Variants in EMCN observed in about 807,000 individuals in gnomAD.
EMCN encodes the protein endomucin.
Under a neutral mutation model 38.4 loss-of-function variants are expected in EMCN, and 37 were observed. The observed-to-expected ratio is 0.96, with a 90% confidence interval of 0.74 to 1.27. The LOEUF (loss-of-function observed/expected upper bound fraction) is 1.27, where lower values mean the gene tolerates loss of function less well. EMCN is among the 50% of genes most tolerant of loss of function. EMCN has a pLI of 0.00. For synonymous variants in EMCN, 95 were observed against 100.8 expected (o/e 0.94, Z 0.35); for missense variants, 318 against 302.8 (o/e 1.05, Z -0.37).
intron 5 of EMCN, among the ~76,000 whole-genome samples, chr4:100,442,645 G>A (rs904598437): frequency 3.3e-5 from 5 of 151,752 alleles, no homozygotes; most frequent in African/African-American, 9.7e-5. Context: ...GATTGATCTC[G>A]TCTGCTCTTG....
intron 1 of EMCN, among the ~76,000 whole-genome samples, chr4:100,491,912 C>T (rs543828958): frequency 1.3e-5 from 2 of 152,260 alleles, no homozygotes; most frequent in Admixed American, 6.5e-5. Flanking sequence ...TTTATTCCTT[C>T]CAAAGAACAC....
At chr4:100,399,207 A>T (rs1338698075) in intron 11 of EMCN, among the ~76,000 whole-genome samples, 1 of 152,192 alleles carries the variant, frequency 6.6e-6, no homozygotes, top group Non-Finnish European at 1.5e-5. Flanking sequence ...ATATTGGTCT[A>T]TAAAAGAGCA....
Position 100,421,305 on chromosome 4 carries a change from C to T in EMCN, c.641G>A (p.Arg214Gln), listed in dbSNP as rs777395672. 13 of 1,612,596 alleles carry T rather than the reference C, an allele frequency of 8.1e-6. No homozygotes were observed. The highest frequency in any genetic ancestry group is 4.4e-5 in the South Asian group (4 of 91,018). ...ACCCGGATCTGCCTTCCAGCACATTCGGTACAAACCCACCAGAACAAATAC... is the reference window on the plus strand; with the variant it reads ...ACCCGGATCTGCCTTCCAGCACATTTGGTACAAACCCACCAGAACAAATAC... ...LSVFVLVGLY[R>Q]MCWKADPGTP... Residue 214 changes from arginine (R) to glutamine (Q), a missense_variant, in exon 8 of 12, where the codon CGA (arginine) becomes CAA (glutamine). Coordinates refer to ENST00000296420, the MANE Select transcript of EMCN (RefSeq NM_016242.4).
rs1455631597 is a variant in EMCN, at chr4:100,395,764, C to T, written c.*2649G>A. The stretch of plus-strand genomic sequence containing the variant: ...ACACAGATTTGTCAACCATATGTAA[C>T]AGAATAGTTCAGTTCAGCAAGGGGA... On this transcript the variant is annotated 3_prime_UTR_variant, in exon 12 of 12. Coordinates refer to ENST00000296420, the MANE Select transcript of EMCN (RefSeq NM_016242.4). 6.6e-6 allele frequency: 1 copy of T among 152,086 alleles called. No homozygotes were observed. Among genetic ancestry groups the T allele is most frequent in the Non-Finnish European group, 1.5e-5 (1 of 68,014 alleles). 9.4% of individuals were successfully genotyped at this position (152,086 alleles called of 1,614,324 possible). A position where few individuals can be genotyped will look rare whatever the true frequency, so the allele number is the denominator to read the frequency against.
intron 1 of EMCN, among the ~76,000 whole-genome samples, chr4:100,497,687 T>G (rs1367140450): frequency 6.6e-6 from 1 of 152,192 alleles, no homozygotes; most frequent in East Asian, 1.9e-4. Flanking sequence ...AAATCAAGTT[T>G]TTAAAGAAGA....
intron 2 of EMCN, among the ~76,000 whole-genome samples, chr4:100,475,334 C>CACACA: frequency 6.6e-6 from 1 of 151,188 alleles, no homozygotes; most frequent in East Asian, 1.9e-4. Context: ...CACACACACA[C>CACACA]ATTTTTCATA....
chr4:100,423,100 A>C lies in EMCN; in HGVS notation c.509-20T>G, dbSNP rs1265130660. On this transcript the variant is annotated intron_variant, in intron 6 of 11. Coordinates refer to ENST00000296420, the MANE Select transcript of EMCN (RefSeq NM_016242.4). ...CTATTACTTTAAGAAAGAAAAAAAC[A>C]AGTCACTTTTGGTTAATGTGTGCCA... 6.2e-7 allele frequency: 1 copy of C among 1,612,474 alleles called. No individual in the cohort carries two copies. The highest frequency in any genetic ancestry group is 8.5e-7 in the Non-Finnish European group (1 of 1,178,878).
chr4:100,473,921 C>T (rs1286140525), intron 3 of EMCN: 1 of 153,094 alleles, frequency 6.5e-6, no homozygotes, highest in African/African-American at 2.4e-5. Flanking sequence ...CTGGCAACAA[C>T]TAGCTCAGTG....
At position 100,446,177 on chromosome 4, in the gene EMCN, T is replaced by C. The variant is rs1048620754; in HGVS notation, c.415+1356A>G. The stretch of plus-strand genomic sequence containing the variant: ...AAATCTCTTCCCAGAACTGCATCAG[T>C]CTTCTCTGACTGGATGCACTGTTTT... On this transcript the variant is annotated intron_variant, in intron 5 of 11. Transcript: ENST00000296420. 8.1e-6 allele frequency: 8 copies of C among 985,254 alleles called. No individual in the cohort carries two copies. The African/African-American group carries it at 1.0e-4, about 13-fold the overall frequency. The allele number at this position is 985,254 out of a possible 1,614,324, so 61.0% of individuals were successfully genotyped here.
intron 5 of EMCN, among the ~76,000 whole-genome samples, chr4:100,433,122 A>C (rs1250053673): frequency 6.6e-6 from 1 of 151,962 alleles, no homozygotes; most frequent in East Asian, 1.9e-4. Flanking sequence ...ACATCTCCCC[A>C]TTTCCTCTCT....
At chr4:100,416,005 T>C (rs771441360) in intron 9 of EMCN, 46 bp from the exon 10 acceptor site, 4 of 1,239,768 alleles carry the variant, frequency 3.2e-6, no homozygotes, top group Admixed American at 2.3e-5. Context: ...GTAATCAGCA[T>C]TGTATGTTTG....
chr4:100,396,189 G>C lies in EMCN; in HGVS notation c.*2224C>G, dbSNP rs1726114255. The C allele has an allele frequency of 6.6e-6, 1 of 152,036 alleles. No homozygotes were observed. Among genetic ancestry groups the C allele is most frequent in the African/African-American group, 2.4e-5 (1 of 41,396 alleles). The allele number at this position is 152,036 out of a possible 1,614,324, so 9.4% of individuals were successfully genotyped here. ...CTTTGAGATTGATATAAAATGCCGT[G>C]GACATCTCTGTAAACTTCTCAATCC... On this transcript the variant is annotated 3_prime_UTR_variant, in exon 12 of 12. Coordinates refer to ENST00000296420, the MANE Select transcript of EMCN (RefSeq NM_016242.4).
chr4:100,517,662 T>G (rs1002582961), intron 1 of EMCN, among the ~76,000 whole-genome samples, 189 bp downstream of exon 1: 1 of 152,024 alleles, frequency 6.6e-6, no homozygotes, highest in Non-Finnish European at 1.5e-5. Flanking sequence ...ACATTTCCCT[T>G]CAGTAGAAAC....
At chr4:100,486,244 C>A (rs1728937978) in intron 1 of EMCN, among the ~76,000 whole-genome samples, 1 of 151,954 alleles carries the variant, frequency 6.6e-6, no homozygotes, top group Non-Finnish European at 1.5e-5. Context: ...TCAAGAAAAG[C>A]CAGATAACTG....
chr4:100,450,922 A>G (rs1051131184), intron 4 of EMCN, among the ~76,000 whole-genome samples: 21 of 151,776 alleles, frequency 1.4e-4, no homozygotes, highest in African/African-American at 4.6e-4. Flanking sequence ...TAAGATGGAA[A>G]CATTTAATGG....
In EMCN at chr4:100,517,935, A is replaced by AC. The variant is rs1560650554; in HGVS notation, c.-22_-21insG. The AC allele has an allele frequency of 6.2e-7, 1 of 1,611,656 alleles. No individual in the cohort carries two copies. Among genetic ancestry groups the AC allele is most frequent in the Non-Finnish European group, 8.5e-7 (1 of 1,178,154 alleles). On this transcript the variant is annotated 5_prime_UTR_variant, in exon 1 of 12. Coordinates refer to ENST00000296420, the MANE Select transcript of EMCN (RefSeq NM_016242.4). ...TCCATGGTGCCCGTAGATGGTGTCA[A>AC]TATCTTCTTTCTCCAGAAGCAGGCA...
chr4:100,403,674 A>G (rs1311509884), intron 11 of EMCN, among the ~76,000 whole-genome samples: 1 of 152,056 alleles, frequency 6.6e-6, no homozygotes, highest in African/African-American at 2.4e-5. Flanking sequence ...GATTGAACTC[A>G]TTTACATTCT....
intron 5 of EMCN, among the ~76,000 whole-genome samples, chr4:100,432,757 A>C (rs959222442): frequency 2.0e-5 from 3 of 152,176 alleles, no homozygotes; most frequent in African/African-American, 7.2e-5. Flanking sequence ...AGATGTCTTT[A>C]GATCTTGATT....
intron 4 of EMCN, among the ~76,000 whole-genome samples, chr4:100,459,937 T>C (rs1160525812): frequency 6.6e-6 from 1 of 152,212 alleles, no homozygotes; most frequent in Non-Finnish European, 1.5e-5. Context: ...CTTGGATATG[T>C]ACCCAGAAGT....
Sources: gnomAD v4.1 joint callset for allele counts (sites outside exome capture counted in the v4.1 genomes callset) on GRCh38, gnomAD v4.1.1 for gene constraint, MANE v1.5 for transcripts, NCBI Gene and HGNC (gene_info 2026-07-23, HGNC 2026-07-21) for gene names.